MECOM: variants seen among roughly 807,000 people sequenced by gnomAD.
MECOM encodes the protein histone-lysine N-methyltransferase MECOM.
MECOM carries 13 observed loss-of-function variants against 116.3 expected under a neutral mutation model. That is an observed-to-expected ratio of 0.11 (90% CI 0.07 to 0.18). The LOEUF (loss-of-function observed/expected upper bound fraction) is 0.18, where lower values mean the gene tolerates loss of function less well. Among genes scored for constraint, MECOM ranks in the 10% least tolerant of loss-of-function variants. MECOM has a pLI of 1.00. For missense variants in MECOM, 1,299 were observed against 1,509.0 expected, an observed-to-expected ratio of 0.86 and a Z score of 2.31; for synonymous variants, 528 against 535.2, an observed-to-expected ratio of 0.99 and a Z score of 0.19.
chr3:169,407,695 T>A (rs1736920461), intron 1 of MECOM, among the ~76,000 whole-genome samples: 1 of 152,232 alleles, frequency 6.6e-6, no homozygotes, highest in Non-Finnish European at 1.5e-5. Flanking sequence ...CTACTTAGGA[T>A]TTTAATCCAA....
At chr3:169,318,213 A>T (rs894251437) in intron 2 of MECOM, among the ~76,000 whole-genome samples, 2 of 152,238 alleles carry the variant, frequency 1.3e-5, no homozygotes, top group Admixed American at 1.3e-4. Flanking sequence ...AGGGATGGGC[A>T]AAGACTTCAT....
chr3:169,651,397 G>A lies in MECOM; in HGVS notation c.37+11939C>T, dbSNP rs531320095. On this transcript the variant is annotated intron_variant, in intron 1 of 16. Transcript: ENST00000651503. ...TGGTGGATTATCTTTTTGATAAGTT[G>A]TTGAATTTGGTTAGCTACTATGTTG... Among the ~76,000 whole-genome samples, 3 of 152,256 alleles carry A rather than the reference G, an allele frequency of 2.0e-5. No individual in the cohort carries two copies. In the South Asian group the frequency reaches 6.2e-4, roughly 32 times the overall value.
At chr3:169,322,084 C>A (rs928960687) in intron 2 of MECOM, among the ~76,000 whole-genome samples, 1 of 152,112 alleles carries the variant, frequency 6.6e-6, no homozygotes, top group African/African-American at 2.4e-5. Flanking sequence ...CTTGTCAACA[C>A]CATCATTTAT....
intron 2 of MECOM, among the ~76,000 whole-genome samples, chr3:169,161,902 C>A (rs573225931): frequency 2.6e-5 from 4 of 152,134 alleles, no homozygotes; most frequent in Admixed American, 6.5e-5. Flanking sequence ...CCTTGGAAAA[C>A]AAATTATCCA....
chr3:169,118,830 T>C (rs541527013), intron 7 of MECOM, among the ~76,000 whole-genome samples: 6 of 152,276 alleles, frequency 3.9e-5, no homozygotes, highest in Admixed American at 2.0e-4. Flanking sequence ...GTGTCTGGGC[T>C]CAAGAACATC....
chr3:169,275,483 G>A (rs1199391836), intron 2 of MECOM, among the ~76,000 whole-genome samples: 1 of 152,172 alleles, frequency 6.6e-6, no homozygotes, highest in Non-Finnish European at 1.5e-5. Flanking sequence ...TATATCTTGT[G>A]AGCAGGAAGA....
intron 1 of MECOM, among the ~76,000 whole-genome samples, chr3:169,411,891 C>T (rs1032711510): frequency 6.6e-5 from 10 of 151,552 alleles, no homozygotes; most frequent in East Asian, 3.9e-4. Context: ...CTCAGGAGGC[C>T]GAGGCAGGAG....
chr3:169,268,686 A>G (rs1337150368), intron 2 of MECOM, among the ~76,000 whole-genome samples: 1 of 152,196 alleles, frequency 6.6e-6, no homozygotes, highest in Non-Finnish European at 1.5e-5. Flanking sequence ...TTTATGAATA[A>G]TCAAAGTCTG....
At chr3:169,115,353 C>T in intron 8 of MECOM, 30 bp downstream of exon 8, 2 of 1,596,176 alleles carry the variant, frequency 1.3e-6, no homozygotes, top group Non-Finnish European at 1.7e-6. Context: ...TACATCTGCT[C>T]ATATTTCGTC....
rs2108633505 is a variant in MECOM at position 169,445,115 on chromosome 3, G to A, written c.38-63591C>T. On this transcript the variant is annotated intron_variant, in intron 1 of 16. Coordinates refer to ENST00000651503, the MANE Select transcript of MECOM (RefSeq NM_004991.4). ...AGAAAATTTGCAGCCTGATGATGCA[G>A]TAGAAAAGAAAAACCCATTTTTTGA... Among the ~76,000 whole-genome samples the A allele has an allele frequency of 1.3e-5, 2 of 152,290 alleles. 1 individual carries two copies. The highest frequency in any genetic ancestry group is 3.9e-4 in the East Asian group (2 of 5,174).
chr3:169,179,188 T>C (rs1745616299), intron 2 of MECOM, among the ~76,000 whole-genome samples: 1 of 152,214 alleles, frequency 6.6e-6, no homozygotes, highest in South Asian at 2.1e-4. Context: ...GTGTCACCCA[T>C]GCCTTTCTTT....
intron 2 of MECOM, among the ~76,000 whole-genome samples, chr3:169,334,404 G>GT (rs1180921337): frequency 3.3e-5 from 5 of 152,154 alleles, no homozygotes; most frequent in African/African-American, 9.7e-5. Flanking sequence ...GGTTCTCAAA[G>GT]TTAGAATCAC....
intron 2 of MECOM, among the ~76,000 whole-genome samples, chr3:169,378,573 AG>A (rs1731824281): frequency 1.8e-5 from 2 of 113,220 alleles, no homozygotes; most frequent in Non-Finnish European, 3.9e-5. Context: ...AAAGAAAGAA[AG>A]AAAGAAAGAA....
chr3:169,334,221 C>A (rs1047523097), intron 2 of MECOM, among the ~76,000 whole-genome samples: 1 of 152,070 alleles, frequency 6.6e-6, no homozygotes, highest in Admixed American at 6.6e-5. Flanking sequence ...CTCCTTTAAA[C>A]ACCAATATCA....
intron 1 of MECOM, among the ~76,000 whole-genome samples, chr3:169,586,260 A>T (rs1278092381): frequency 6.6e-6 from 1 of 152,204 alleles, no homozygotes; most frequent in African/African-American, 2.4e-5. Context: ...TTTAGTTTAA[A>T]TTTTTTTACA....
intron 1 of MECOM, among the ~76,000 whole-genome samples, chr3:169,520,234 TG>T (rs1248172845): frequency 6.6e-6 from 1 of 152,236 alleles, no homozygotes; most frequent in Non-Finnish European, 1.5e-5. Flanking sequence ...AAATGTTCCC[TG>T]AAACTCCCAG....
chr3:169,659,819 G>C (rs958359636), intron 1 of MECOM, among the ~76,000 whole-genome samples: 1 of 152,038 alleles, frequency 6.6e-6, no homozygotes, highest in African/African-American at 2.4e-5. Flanking sequence ...CTGACAAGGT[G>C]AGTAGTTTAA....
At chr3:169,382,852 AAAAAAAAAAAAATAAAAAAAAT>A (rs1732646349) in intron 1 of MECOM, among the ~76,000 whole-genome samples, 1 of 88,442 alleles carries the variant, frequency 1.1e-5, no homozygotes, top group Non-Finnish European at 2.3e-5. Context: ...CCCATCTCAA[AAAAAAAAAAAAATAAAAAAAAT>A]AAAAAAAGAA....
At chr3:169,643,639 C>T (rs906273398) in intron 1 of MECOM, among the ~76,000 whole-genome samples, 5 of 152,148 alleles carry the variant, frequency 3.3e-5, no homozygotes, top group Non-Finnish European at 7.3e-5. Context: ...GTCCTTCATC[C>T]AAAATCATTC....
Sources: gnomAD v4.1 joint callset for allele counts (sites outside exome capture counted in the v4.1 genomes callset) on GRCh38, gnomAD v4.1.1 for gene constraint, MANE v1.5 for transcripts, NCBI Gene and HGNC (gene_info 2026-07-23, HGNC 2026-07-21) for gene names.